Variants in UGDH observed in about 807,000 individuals in gnomAD.
UGDH encodes the protein UDP-glucose 6-dehydrogenase, also known as UDP-Glc dehydrogenase.
Under a neutral mutation model 50.6 loss-of-function variants are expected in UGDH, and 38 were observed. The observed-to-expected ratio is 0.75, with a 90% confidence interval of 0.58 to 0.98. UGDH has a LOEUF of 0.98. Among genes scored for constraint, UGDH ranks in the 50% least tolerant of loss-of-function variants. The probability of loss-of-function intolerance (pLI) is 0.00; values close to 1 mark genes in which losing one functional copy is unlikely to be tolerated. For synonymous variants in UGDH, 168 were observed against 199.9 expected (o/e 0.84, Z 1.35); for missense variants, 465 against 606.2 (o/e 0.77, Z 2.45).
intron 3 of UGDH, among the ~76,000 whole-genome samples, chr4:39,511,868 C>A (rs977953495): frequency 6.6e-6 from 1 of 151,640 alleles, no homozygotes; most frequent in Non-Finnish European, 1.5e-5. Context: ...CCACCACACC[C>A]GCCTAATTTT....
At chr4:39,512,979 G>A (rs1439129023) in intron 3 of UGDH, among the ~76,000 whole-genome samples, 1 of 151,844 alleles carries the variant, frequency 6.6e-6, no homozygotes, top group African/African-American at 2.4e-5. Flanking sequence ...ACAGCACCAC[G>A]GCCAGCTAAG....
At chr4:39,514,866 G>C (rs1410873702) in intron 2 of UGDH, among the ~76,000 whole-genome samples, 1 of 152,020 alleles carries the variant, frequency 6.6e-6, no homozygotes, top group East Asian at 1.9e-4. Context: ...ATTTTTAGTA[G>C]AGATGGGGTT....
At chr4:39,505,475 G>C in intron 8 of UGDH, 105 bp from the exon 9 acceptor site, 1 of 1,156,688 alleles carries the variant, frequency 8.6e-7, no homozygotes, top group Non-Finnish European at 1.1e-6. Context: ...AGCTGGTAGA[G>C]TGGTGAAGAT....
At position 39,520,105 on chromosome 4, in the gene UGDH, G is replaced by A. The variant is rs1031094576; in HGVS notation, c.162+1246C>T. ...TGTAATCCCAGCACTTTGGGAGGCC[G>A]AGGAGGGGCGATCCCCTGAGGTCAG... is the stretch of plus-strand genomic sequence containing the variant. On this transcript the variant is annotated intron_variant, in intron 2 of 11. Coordinates refer to ENST00000316423, the MANE Select transcript of UGDH (RefSeq NM_003359.4). Among the ~76,000 whole-genome samples the A allele has an allele frequency of 1.2e-4, 19 of 152,212 alleles. No individual in the cohort carries two copies. The East Asian group carries it at 1.4e-3, about 11-fold the overall frequency.
intron 3 of UGDH, among the ~76,000 whole-genome samples, chr4:39,512,897 T>C (rs1046070446): frequency 6.6e-6 from 1 of 150,756 alleles, no homozygotes; most frequent in Non-Finnish European, 1.5e-5. Flanking sequence ...TAATGGCTCA[T>C]TGCAGCCTCA....
At chr4:39,501,314 G>A (rs1228350962) in intron 11 of UGDH, among the ~76,000 whole-genome samples, 3 of 140,708 alleles carry the variant, frequency 2.1e-5, no homozygotes, top group Non-Finnish European at 4.6e-5. Context: ...TCGCTCTGTT[G>A]CCCAGGCTGG....
chr4:39,506,663 C>T (rs1397645679), intron 7 of UGDH, among the ~76,000 whole-genome samples: 1 of 152,098 alleles, frequency 6.6e-6, no homozygotes. Context: ...GGTTGGTAAC[C>T]GGGTGGGCGA....
At chr4:39,501,414 C>T (rs1745810851) in intron 11 of UGDH, among the ~76,000 whole-genome samples, 1 of 152,034 alleles carries the variant, frequency 6.6e-6, no homozygotes, top group African/African-American at 2.4e-5. Context: ...GCTGGGACCA[C>T]AGGTGCCTGC....
In UGDH at chr4:39,505,276, C is replaced by T. The variant is rs1370929186; in HGVS notation, c.1132G>A (p.Val378Met). The T allele has an allele frequency of 6.2e-7, 1 of 1,601,624 alleles. No homozygotes were observed. The highest frequency in any genetic ancestry group is 1.3e-5 in the African/African-American group (1 of 74,382). ...GAAACACCTGGATGAGAAAGATCCA[C>T]AACTATTTGTTCCCTAGGTACTTTT... ...DPKVPREQIV[V>M]DLSHPGVSED... The change falls in exon 9 of 12, where the codon GTG becomes ATG. Residue 378 changes from valine (V) to methionine (M), a missense_variant. By Grantham distance (21) the Val-to-Met change is conservative (BLOSUM62 1). Transcript: ENST00000316423.
rs554866951 is a variant in UGDH, at chr4:39,506,733, G to T, written c.907-985C>A. On this transcript the variant is annotated intron_variant, in intron 7 of 11. Transcript: ENST00000316423. ...AGGGACCATCTCAATCAAACCCTGA[G>T]AGCTTAAGCAATTAGCCCAAAGTGT... 7.2e-5 allele frequency among the ~76,000 whole-genome samples: 11 copies of T among 152,336 alleles called. No homozygotes were observed. The South Asian group carries it at 2.1e-3, about 29-fold the overall frequency.
chr4:39,515,001 G>C (rs1426051403), intron 2 of UGDH, among the ~76,000 whole-genome samples: 1 of 151,868 alleles, frequency 6.6e-6, no homozygotes, highest in African/African-American at 2.4e-5. Flanking sequence ...TTTTCATACA[G>C]GGTTTCGCTC....
At chr4:39,514,669 C>G (rs1746375872) in intron 2 of UGDH, among the ~76,000 whole-genome samples, 1 of 151,048 alleles carries the variant, frequency 6.6e-6, no homozygotes, top group Admixed American at 6.6e-5. Context: ...CCATGCCCAG[C>G]CCATTTATTT....
chr4:39,504,265 G>C, intron 10 of UGDH, 152 bp downstream of exon 10: 1 of 682,418 alleles, frequency 1.5e-6, no homozygotes, highest in Admixed American at 2.8e-5. Context: ...CCGAGATTGC[G>C]CCACTGCACT....
chr4:39,527,080 C>T, intron 1 of UGDH: 1 of 1,289,420 alleles, frequency 7.8e-7, no homozygotes, highest in Non-Finnish European at 1.0e-6. Flanking sequence ...CCCAGACGAC[C>T]ACATCCCCAG....
At chr4:39,522,907 C>T (rs1310863179) in intron 1 of UGDH, among the ~76,000 whole-genome samples, 1 of 151,680 alleles carries the variant, frequency 6.6e-6, no homozygotes, top group African/African-American at 2.4e-5. Context: ...GGACTACAGG[C>T]ACACACTACC....
chr4:39,509,712 C>A, intron 6 of UGDH, 48 bp downstream of exon 6: 1 of 1,573,070 alleles, frequency 6.4e-7, no homozygotes, highest in Non-Finnish European at 8.6e-7. Context: ...AATATGCCTT[C>A]AGTAAATAAA....
chr4:39,500,047 AC>A lies in UGDH; in HGVS notation c.*95del. 2 of 733,056 alleles carry A rather than the reference AC, an allele frequency of 2.7e-6. No homozygotes were observed. Among genetic ancestry groups the A allele is most frequent in the African/African-American group, 3.6e-5 (2 of 56,160 alleles). 45.4% of individuals were successfully genotyped at this position (733,056 alleles called of 1,614,324 possible). On this transcript the variant is annotated 3_prime_UTR_variant, in exon 12 of 12. Coordinates refer to ENST00000316423, the MANE Select transcript of UGDH (RefSeq NM_003359.4). ...TGTCTCAAAAAAAAAACAAAAAAAA[AC>A]ACTTGGTTCATTTACCATTTAATAG...
chr4:39,510,249 T>C, intron 5 of UGDH, 104 bp downstream of exon 5: 1 of 1,172,522 alleles, frequency 8.5e-7, no homozygotes, highest in East Asian at 2.4e-5. Context: ...TTCAAAAGCA[T>C]AACCTCTTAC....
chr4:39,526,263 G>C (rs1560270919), intron 1 of UGDH: 1 of 152,224 alleles, frequency 6.6e-6, no homozygotes. Flanking sequence ...ATGTAAAGCT[G>C]TGGAAGTAAA....
Sources: gnomAD v4.1 joint callset for allele counts (sites outside exome capture counted in the v4.1 genomes callset) on GRCh38, gnomAD v4.1.1 for gene constraint, MANE v1.5 for transcripts, NCBI Gene and HGNC (gene_info 2026-07-23, HGNC 2026-07-21) for gene names.